Variants in BTBD9 observed in about 807,000 individuals in gnomAD.
BTBD9 encodes BTB/POZ domain-containing protein 9.
Under a neutral mutation model 64.3 loss-of-function variants are expected in BTBD9, and 49 were observed. The observed-to-expected ratio is 0.76, with a 90% confidence interval of 0.61 to 0.97. The LOEUF (loss-of-function observed/expected upper bound fraction) is 0.97. Ranked by LOEUF, BTBD9 falls within the 50% of genes least tolerant of loss-of-function variation. The pLI is 0.00. For missense variants in BTBD9, 598 were observed against 762.1 expected (o/e 0.78, Z 2.53); for synonymous variants, 260 against 274.7 (o/e 0.95, Z 0.53).
chr6:38,174,950 G>C lies in BTBD9; in HGVS notation c.*35C>G, dbSNP rs113280210. The stretch of plus-strand genomic sequence containing the variant: ...AGGAGACCGTTTCCTGCCGTTGCCC[G>C]AGCCCACCAAGTCACACCAGGCCCG... On this transcript the variant is annotated 3_prime_UTR_variant, in exon 11 of 11. Coordinates refer to ENST00000481247, the MANE Select transcript of BTBD9 (RefSeq NM_001099272.2). 1 of 1,607,768 alleles carries C rather than the reference G, an allele frequency of 6.2e-7. No homozygotes were observed. Among genetic ancestry groups the C allele is most frequent in the Admixed American group, 1.7e-5 (1 of 59,740 alleles).
intron 1 of BTBD9, among the ~76,000 whole-genome samples, chr6:38,617,207 C>T (rs1421390839): frequency 2.0e-5 from 3 of 152,164 alleles, no homozygotes; most frequent in Non-Finnish European, 2.9e-5. Flanking sequence ...TTTTCCTGCA[C>T]TTCCGGGCTG....
At chr6:38,559,669 T>C (rs2127455500) in intron 6 of BTBD9, among the ~76,000 whole-genome samples, 1 of 152,286 alleles carries the variant, frequency 6.6e-6, no homozygotes, top group East Asian at 1.9e-4. Flanking sequence ...CATTACCTAC[T>C]TCAAATGACA....
chr6:38,424,642 A>G (rs1250687987), intron 6 of BTBD9, among the ~76,000 whole-genome samples: 3 of 149,214 alleles, frequency 2.0e-5, no homozygotes, highest in African/African-American at 7.5e-5. Context: ...TCAGCCTCCC[A>G]AGCAGCTGGC....
intron 6 of BTBD9, among the ~76,000 whole-genome samples, chr6:38,351,501 G>GTTTTT (rs1562062660): frequency 2.4e-5 from 3 of 125,500 alleles, no homozygotes; most frequent in East Asian, 2.5e-4. Context: ...ATATTTAATT[G>GTTTTT]TTGTTGTTTT....
At chr6:38,189,075 C>T (rs1422001012) in intron 10 of BTBD9, among the ~76,000 whole-genome samples, 1 of 152,188 alleles carries the variant, frequency 6.6e-6, no homozygotes, top group Non-Finnish European at 1.5e-5. Flanking sequence ...GCATCCTCTG[C>T]CCTCCAGGCC....
At chr6:38,615,405 C>T (rs1777749326) in intron 1 of BTBD9, among the ~76,000 whole-genome samples, 1 of 152,322 alleles carries the variant, frequency 6.6e-6, no homozygotes, top group South Asian at 2.1e-4. Context: ...AAAAATCATA[C>T]TCCACCAAGA....
chr6:38,538,783 C>CTTT (rs55908292), intron 6 of BTBD9, among the ~76,000 whole-genome samples: 1 of 147,020 alleles, frequency 6.8e-6, no homozygotes. Context: ...TTTTCTTTTT[C>CTTT]TTTTTTTTTT....
intron 9 of BTBD9, among the ~76,000 whole-genome samples, chr6:38,247,335 T>A (rs527367669): frequency 8.5e-4 from 129 of 152,296 alleles, no homozygotes; most frequent in African/African-American, 2.9e-3. Context: ...CTACCATTCC[T>A]AGGGAATAAA....
chr6:38,596,374 A>G (rs964731303), intron 2 of BTBD9, among the ~76,000 whole-genome samples: 1 of 152,214 alleles, frequency 6.6e-6, no homozygotes, highest in African/African-American at 2.4e-5. Flanking sequence ...AAAGTATTTG[A>G]GTTTTTTTTA....
chr6:38,473,907 A>G (rs1770761393), intron 6 of BTBD9, among the ~76,000 whole-genome samples: 1 of 152,192 alleles, frequency 6.6e-6, no homozygotes, highest in Non-Finnish European at 1.5e-5. Context: ...AGTAAGCTAG[A>G]TGAAGACTAG....
At chr6:38,383,163 T>C (rs377080503) in intron 6 of BTBD9, among the ~76,000 whole-genome samples, 7 of 152,286 alleles carry the variant, frequency 4.6e-5, no homozygotes, top group East Asian at 1.9e-4. Context: ...TAAATAATCA[T>C]CATGACCAAA....
At chr6:38,634,568 CTT>C (rs199898463) in intron 1 of BTBD9, among the ~76,000 whole-genome samples, 16 of 150,504 alleles carry the variant, frequency 1.1e-4, no homozygotes, top group African/African-American at 2.9e-4. Flanking sequence ...TGGATTGTTC[CTT>C]TTTTTTAAAA....
intron 7 of BTBD9, among the ~76,000 whole-genome samples, chr6:38,306,881 C>T (rs2127568079): frequency 6.6e-6 from 1 of 152,328 alleles, no homozygotes; most frequent in South Asian, 2.1e-4. Flanking sequence ...CTCTGCTGGG[C>T]TTTATTCAAT....
chr6:38,421,298 G>C (rs1382013772), intron 6 of BTBD9, among the ~76,000 whole-genome samples: 1 of 152,174 alleles, frequency 6.6e-6, no homozygotes, highest in African/African-American at 2.4e-5. Context: ...AGAGGTTACA[G>C]TGAGCTAATA....
intron 9 of BTBD9, among the ~76,000 whole-genome samples, chr6:38,241,505 A>G (rs1223195809): frequency 1.3e-5 from 2 of 152,236 alleles, no homozygotes; most frequent in African/African-American, 4.8e-5. Flanking sequence ...GGTTTATTAC[A>G]TGGGCTCCAT....
At chr6:38,455,764 A>G (rs1769769217) in intron 6 of BTBD9, among the ~76,000 whole-genome samples, 1 of 152,142 alleles carries the variant, frequency 6.6e-6, no homozygotes, top group Non-Finnish European at 1.5e-5. Context: ...GCTGGAGTGC[A>G]ATGGCGCGAT....
At chr6:38,402,725 G>C in intron 6 of BTBD9, 1 of 677,464 alleles carries the variant, frequency 1.5e-6, no homozygotes, top group Non-Finnish European at 2.7e-6. Context: ...GAAGAAAATA[G>C]AGGTGTATGT....
chr6:38,457,015 G>GC lies in BTBD9; in HGVS notation c.1155-111923dup, dbSNP rs1341222449. On this transcript the variant is annotated intron_variant, in intron 6 of 10. Transcript: ENST00000481247. ...TAAACTAAGGTCCAAATGATAAGAA[G>GC]CCAGACAGAAGAATATCCAGCGAGA... Among the ~76,000 whole-genome samples the GC allele has an allele frequency of 8.5e-5, 13 of 152,256 alleles. No homozygotes were observed. In the East Asian group the frequency reaches 2.5e-3, roughly 29 times the overall value.
At chr6:38,291,998 G>A (rs970062176) in intron 7 of BTBD9, among the ~76,000 whole-genome samples, 3 of 141,564 alleles carry the variant, frequency 2.1e-5, no homozygotes, top group Admixed American at 7.2e-5. Context: ...TTTTGCTCTT[G>A]TTGCCCAGGC....
Sources: gnomAD v4.1 joint callset for allele counts (sites outside exome capture counted in the v4.1 genomes callset) on GRCh38, gnomAD v4.1.1 for gene constraint, MANE v1.5 for transcripts, NCBI Gene and HGNC (gene_info 2026-07-23, HGNC 2026-07-21) for gene names.